The following MBTD1 variants were observed in gnomAD, a reference collection of about 807,000 sequenced individuals.
The protein encoded by MBTD1 is mbt domain containing 1.
A neutral mutation model predicts 87.8 loss-of-function variants in MBTD1; 24 were observed. The ratio of observed to expected loss-of-function variants is 0.27; its 90% CI spans 0.20 to 0.38. The LOEUF is 0.38. Ranked by LOEUF, MBTD1 falls within the 10% of genes least tolerant of loss-of-function variation. The pLI, the probability that MBTD1 is intolerant of heterozygous loss-of-function variation, is 1.00. For missense variants in MBTD1, 436 were observed against 760.2 expected (o/e 0.57, Z 5.02); for synonymous variants, 237 against 248.6 (o/e 0.95, Z 0.44).
intron 6 of MBTD1, among the ~76,000 whole-genome samples, chr17:51,212,663 G>T (rs1302015354): frequency 6.9e-6 from 1 of 145,834 alleles, no homozygotes; most frequent in East Asian, 2.0e-4. Flanking sequence ...GAAAAAAAAA[G>T]TTTTACTTGA....
chr17:51,242,672 G>T (rs1443354675), intron 2 of MBTD1, among the ~76,000 whole-genome samples: 1 of 152,116 alleles, frequency 6.6e-6, no homozygotes, highest in Admixed American at 6.5e-5. Flanking sequence ...TATACAAATA[G>T]GTGTAACTCA....
intron 12 of MBTD1, 71 bp downstream of exon 12, chr17:51,201,521 G>C: frequency 1.1e-6 from 1 of 874,090 alleles, no homozygotes; most frequent in Admixed American, 2.3e-5. Flanking sequence ...AATATGCTTG[G>C]GGACTCCTTC....
intron 2 of MBTD1, among the ~76,000 whole-genome samples, chr17:51,245,686 C>T (rs2054395863): frequency 6.6e-6 from 1 of 151,834 alleles, no homozygotes; most frequent in Non-Finnish European, 1.5e-5. Context: ...TAGTTGTGTC[C>T]ATTTCTGGAT....
rs1491272569 is a variant in MBTD1 at position 51,179,481 on chromosome 17, A to ATTATATATATATATATATTT, written c.*1094_*1095insAAATATATATATATATATAA. On this transcript the variant is annotated 3_prime_UTR_variant, in exon 17 of 17. Coordinates refer to ENST00000586178, the MANE Select transcript of MBTD1 (RefSeq NM_017643.3). ...TAAATCCTGAATACAATTAAAGACA[A>ATTATATATATATATATATTT]TTTTATATATATATATATATATATA... 4.1e-5 allele frequency: 2 copies of ATTATATATATATATATATTT among 49,292 alleles called. No homozygotes were observed. Among genetic ancestry groups the ATTATATATATATATATATTT allele is most frequent in the African/African-American group, 7.3e-5 (1 of 13,788 alleles). The allele number at this position is 49,292 out of a possible 1,614,324, so 3.1% of individuals were successfully genotyped here. A position where few individuals can be genotyped will look rare whatever the true frequency, so the allele number is the denominator to read the frequency against.
At chr17:51,222,272 T>TA (rs2052946751) in intron 3 of MBTD1, among the ~76,000 whole-genome samples, 1 of 152,356 alleles carries the variant, frequency 6.6e-6, no homozygotes, top group South Asian at 2.1e-4. Context: ...ACTAGGCTGG[T>TA]ATGTTATAAT....
rs1405294673 is a variant in MBTD1 at position 51,217,294 on chromosome 17, A to G, written c.486+40T>C. On this transcript the variant is annotated intron_variant, in intron 6 of 16. Coordinates refer to ENST00000586178, the MANE Select transcript of MBTD1 (RefSeq NM_017643.3). The stretch of plus-strand genomic sequence containing the variant: ...ATTGTACCTTCAGATTTAAACAATG[A>G]CTAAGTACTTCAAAATAAGGTGAGA... The G allele has an allele frequency of 4.3e-6, 5 of 1,170,850 alleles. No individual in the cohort carries two copies. The African/African-American group carries it at 6.2e-5, about 15-fold the overall frequency. The allele number at this position is 1,170,850 out of a possible 1,614,324, so 72.5% of individuals were successfully genotyped here.
chr17:51,213,427 T>C (rs1405514606), intron 6 of MBTD1, among the ~76,000 whole-genome samples: 3 of 152,180 alleles, frequency 2.0e-5, no homozygotes, highest in Non-Finnish European at 4.4e-5. Context: ...AATCTGTGAA[T>C]TTCTTTGATC....
At chr17:51,206,763 C>T (rs1239107517) in intron 7 of MBTD1, 125 bp downstream of exon 7, 2 of 630,722 alleles carry the variant, frequency 3.2e-6, no homozygotes, top group Non-Finnish European at 5.5e-6. Context: ...ATTTGCCAAC[C>T]CCTGCCCTAT....
chr17:51,193,421 A>C lies in MBTD1; in HGVS notation c.1455+7T>G. The C allele has an allele frequency of 6.3e-7, 1 of 1,597,040 alleles. No individual in the cohort carries two copies. Among genetic ancestry groups the C allele is most frequent in the Non-Finnish European group, 8.6e-7 (1 of 1,167,112 alleles). ...CCTCACATAATTATGCTGCCATTTA[A>C]ATTTACCTTATTAAATAGTTTTACT... On this transcript the variant is annotated splice_region_variant and intron_variant, in intron 14 of 16. Coordinates refer to ENST00000586178, the MANE Select transcript of MBTD1 (RefSeq NM_017643.3).
At chr17:51,221,841 T>C (rs751195709) in intron 3 of MBTD1, among the ~76,000 whole-genome samples, 1 of 152,156 alleles carries the variant, frequency 6.6e-6, no homozygotes, top group African/African-American at 2.4e-5. Flanking sequence ...ATTTGAGCAT[T>C]TGTGAATTTG....
chr17:51,192,551 T>C (rs2050863116), intron 15 of MBTD1: 1 of 740,692 alleles, frequency 1.4e-6, no homozygotes. Context: ...TTTAATTTGG[T>C]GACTGTTGTG....
chr17:51,229,011 A>T (rs1228437800), intron 2 of MBTD1, among the ~76,000 whole-genome samples: 1 of 150,898 alleles, frequency 6.6e-6, no homozygotes, highest in Non-Finnish European at 1.5e-5. Flanking sequence ...CAAACAAACA[A>T]CAGAAAAAAA....
chr17:51,197,061 T>G (rs1210654599), intron 12 of MBTD1, among the ~76,000 whole-genome samples: 5 of 1,428 alleles, frequency 3.5e-3, no homozygotes, highest in Admixed American at 0.017. Flanking sequence ...TATATATATA[T>G]ATATATATAT....
intron 15 of MBTD1, 160 bp from the exon 16 acceptor site, chr17:51,192,440 C>G (rs2050858573): frequency 1.6e-6 from 1 of 637,178 alleles, no homozygotes; most frequent in Non-Finnish European, 2.7e-6. Flanking sequence ...AAAACCATAG[C>G]CTCAACATGA....
intron 2 of MBTD1, chr17:51,250,758 C>T (rs2054732557): frequency 6.6e-6 from 1 of 152,162 alleles, no homozygotes; most frequent in South Asian, 2.1e-4. Flanking sequence ...AGAAAGTTTT[C>T]TTGGATTATA....
At chr17:51,240,571 T>C (rs766478678) in intron 2 of MBTD1, among the ~76,000 whole-genome samples, 2 of 152,208 alleles carry the variant, frequency 1.3e-5, no homozygotes, top group African/African-American at 2.4e-5. Flanking sequence ...AGAGGTAAAG[T>C]GTCCTTTGTA....
intron 6 of MBTD1, among the ~76,000 whole-genome samples, chr17:51,210,749 C>T (rs2052140333): frequency 7.8e-6 from 1 of 128,088 alleles, no homozygotes; most frequent in Non-Finnish European, 1.6e-5. Context: ...GAGCAAGACT[C>T]TGTCTCAAAA....
rs1032607144 is a variant in MBTD1, at chr17:51,225,176, T to G, written c.-15A>C. On this transcript the variant is annotated 5_prime_UTR_variant, in exon 3 of 17. Coordinates refer to ENST00000586178, the MANE Select transcript of MBTD1 (RefSeq NM_017643.3). Reference sequence around the variant, plus strand: ...CCGTCAAACATCCCGAAAGAATCTCTTCTTTTCCTTTCAGATCGTGAAGAA... The same window carrying G: ...CCGTCAAACATCCCGAAAGAATCTCGTCTTTTCCTTTCAGATCGTGAAGAA... 4.6e-6 allele frequency: 7 copies of G among 1,531,622 alleles called. No individual in the cohort carries two copies. The highest frequency in any genetic ancestry group is 4.2e-5 in the Admixed American group (2 of 47,264). The allele number at this position is 1,531,622 out of a possible 1,614,324, so 94.9% of individuals were successfully genotyped here. A position where few individuals can be genotyped will look rare whatever the true frequency, so the allele number is the denominator to read the frequency against.
chr17:51,241,809 G>A (rs551491129), intron 2 of MBTD1, among the ~76,000 whole-genome samples: 204 of 152,206 alleles, frequency 1.3e-3, no homozygotes, highest in African/African-American at 4.6e-3. Flanking sequence ...CAACTGATCT[G>A]CCCGCCTTGG....
Sources: gnomAD v4.1 joint callset for allele counts (sites outside exome capture counted in the v4.1 genomes callset) on GRCh38, gnomAD v4.1.1 for gene constraint, MANE v1.5 for transcripts, NCBI Gene and HGNC (gene_info 2026-07-23, HGNC 2026-07-21) for gene names.